Variants in ARHGAP6 observed in about 807,000 individuals in gnomAD.
ARHGAP6 encodes Rho GTPase activating protein 6.
Under a neutral mutation model 55.7 loss-of-function variants are expected in ARHGAP6, and 16 were observed. That is an observed-to-expected ratio of 0.29 (90% CI 0.19 to 0.44). ARHGAP6 has a LOEUF of 0.44. Ranked by LOEUF, ARHGAP6 falls within the 20% of genes least tolerant of loss-of-function variation. The pLI is 1.00. For missense variants in ARHGAP6, 698 were observed against 808.9 expected, an observed-to-expected ratio of 0.86 and a Z score of 1.66; for synonymous variants, 382 against 360.9, an observed-to-expected ratio of 1.06 and a Z score of -0.66.
chrX:11,141,763 G>A (rs1035776832), intron 12 of ARHGAP6, among the ~76,000 whole-genome samples: 1 of 112,203 alleles, frequency 8.9e-6, no homozygotes, highest in Non-Finnish European at 1.9e-5. Flanking sequence ...GCACTTCCCT[G>A]TTTGGGATTT....
intron 1 of ARHGAP6, among the ~76,000 whole-genome samples, chrX:11,511,857 C>T (rs1214271636): frequency 2.7e-5 from 3 of 110,795 alleles, no homozygotes; most frequent in Non-Finnish European, 3.8e-5. Context: ...GACAGAGTCT[C>T]GCTCTGTCAC....
chrX:11,593,838 C>T (rs945765568), intron 1 of ARHGAP6, among the ~76,000 whole-genome samples: 1 of 112,371 alleles, frequency 8.9e-6, no homozygotes, highest in Non-Finnish European at 1.9e-5. Context: ...ACACAATGAC[C>T]TAGAGCCTTG....
chrX:11,272,485 C>G (rs1416532852), intron 1 of ARHGAP6, among the ~76,000 whole-genome samples: 2 of 110,047 alleles, frequency 1.8e-5, no homozygotes, highest in African/African-American at 6.6e-5. Flanking sequence ...CTCCCTCCTG[C>G]CTCCACTCCT....
At chrX:11,292,781 G>A (rs1052054108) in intron 1 of ARHGAP6, among the ~76,000 whole-genome samples, 1 of 112,304 alleles carries the variant, frequency 8.9e-6, no homozygotes, top group African/African-American at 3.2e-5. Context: ...TTGTTTTTAC[G>A]GTAGATGGGT....
chrX:11,285,862 C>T (rs1376000302), intron 1 of ARHGAP6, among the ~76,000 whole-genome samples: 2 of 112,538 alleles, frequency 1.8e-5, no homozygotes, highest in Admixed American at 9.4e-5. Context: ...CAAGCTTCCT[C>T]TTTTTAGTCC....
At chrX:11,445,276 T>C (rs965356457) in intron 1 of ARHGAP6, among the ~76,000 whole-genome samples, 1 of 111,857 alleles carries the variant, frequency 8.9e-6, no homozygotes, top group African/African-American at 3.3e-5. Flanking sequence ...GCTCTTAAAA[T>C]AGGACAGGAA....
chrX:11,195,390 T>TGGG (rs1235019687), intron 3 of ARHGAP6, among the ~76,000 whole-genome samples: 1 of 109,130 alleles, frequency 9.2e-6, no homozygotes, highest in African/African-American at 3.3e-5. Flanking sequence ...ACTGCGTCAA[T>TGGG]GGGGCTCAGG....
At chrX:11,603,866 A>G (rs996981057) in intron 1 of ARHGAP6, among the ~76,000 whole-genome samples, 3 of 111,993 alleles carry the variant, frequency 2.7e-5, no homozygotes, top group African/African-American at 9.7e-5. Context: ...AAAATTCACA[A>G]TATTTTATGT....
rs372325469 is a variant in ARHGAP6, at chrX:11,523,362, A to C, written c.588+140879T>G. ...CCCTCTCTCACCACTCCTATTCAACATAGTGTTGGAAGTTCTGGCCAGGGC... is the reference window on the plus strand; with the variant it reads ...CCCTCTCTCACCACTCCTATTCAACCTAGTGTTGGAAGTTCTGGCCAGGGC... On this transcript the variant is annotated intron_variant, in intron 1 of 12. Transcript: ENST00000337414. Among the ~76,000 whole-genome samples, 33 of 111,001 alleles carry C rather than the reference A, an allele frequency of 3.0e-4. No homozygotes were observed. The East Asian group carries it at 3.4e-3, about 11-fold the overall frequency.
At chrX:11,167,802 G>GA (rs2046036342) in intron 9 of ARHGAP6, among the ~76,000 whole-genome samples, 2 of 112,412 alleles carry the variant, frequency 1.8e-5, no homozygotes, top group Admixed American at 1.9e-4. Flanking sequence ...TAAACTTGAT[G>GA]AAAATGTTGA....
chrX:11,163,970 T>A (rs755155345), intron 9 of ARHGAP6, among the ~76,000 whole-genome samples: 2 of 112,640 alleles, frequency 1.8e-5, no homozygotes, highest in Non-Finnish European at 3.8e-5. Flanking sequence ...TCCTTCCACC[T>A]TTGTGGGACA....
chrX:11,541,698 T>C (rs1417621642), intron 1 of ARHGAP6, among the ~76,000 whole-genome samples: 2 of 112,220 alleles, frequency 1.8e-5, no homozygotes, highest in African/African-American at 3.2e-5. Flanking sequence ...ACTGAGCACA[T>C]TTACTGATTG....
At chrX:11,153,602 C>T (rs1316263068) in intron 10 of ARHGAP6, among the ~76,000 whole-genome samples, 1 of 106,739 alleles carries the variant, frequency 9.4e-6, no homozygotes, top group African/African-American at 3.4e-5. Flanking sequence ...CAAAAGACCA[C>T]TAAAAGTAAA....
At chrX:11,388,452 T>C (rs1277753352) in intron 1 of ARHGAP6, among the ~76,000 whole-genome samples, 2 of 112,284 alleles carry the variant, frequency 1.8e-5, no homozygotes, top group Non-Finnish European at 3.8e-5. Flanking sequence ...TTCTGGATAT[T>C]AGCCCTTTGT....
chrX:11,347,752 G>A (rs2048806703), intron 1 of ARHGAP6, among the ~76,000 whole-genome samples: 1 of 112,090 alleles, frequency 8.9e-6, no homozygotes, highest in Admixed American at 9.5e-5. Flanking sequence ...ATAGCTAAGA[G>A]AACATGTCCT....
intron 1 of ARHGAP6, among the ~76,000 whole-genome samples, chrX:11,607,493 G>A (rs1475067077): frequency 8.9e-6 from 1 of 111,960 alleles, no homozygotes; most frequent in African/African-American, 3.2e-5. Flanking sequence ...AAACTGAGAA[G>A]GTATTTCCAC....
intron 2 of ARHGAP6, among the ~76,000 whole-genome samples, chrX:11,211,169 G>A (rs1359115839): frequency 1.8e-5 from 2 of 110,568 alleles, no homozygotes; most frequent in Non-Finnish European, 1.9e-5. Flanking sequence ...GATGAATTAA[G>A]TGTCATTCAT....
intron 1 of ARHGAP6, among the ~76,000 whole-genome samples, chrX:11,450,195 AAAT>A (rs1440799461): frequency 1.0e-5 from 1 of 100,350 alleles, no homozygotes; most frequent in Non-Finnish European, 2.0e-5. Context: ...TTTGTAGAAC[AAAT>A]AATAAGTGTG....
At chrX:11,469,902 A>G (rs2050331441) in intron 1 of ARHGAP6, among the ~76,000 whole-genome samples, 1 of 111,438 alleles carries the variant, frequency 9.0e-6, no homozygotes, top group African/African-American at 3.3e-5. Context: ...ATTCGGTTCC[A>G]CAGTAGAGCC....
Sources: gnomAD v4.1 joint callset for allele counts (sites outside exome capture counted in the v4.1 genomes callset) on GRCh38, gnomAD v4.1.1 for gene constraint, MANE v1.5 for transcripts, NCBI Gene and HGNC (gene_info 2026-07-23, HGNC 2026-07-21) for gene names.